Variants in FRMPD4 observed in about 807,000 individuals in gnomAD.
FRMPD4 encodes the protein FERM and PDZ domain-containing protein 4.
In FRMPD4, 22 loss-of-function variants were observed where a neutral mutation model predicts 94.1. That is an observed-to-expected ratio of 0.23 (90% CI 0.17 to 0.33). FRMPD4 has a LOEUF of 0.33. Among genes scored for constraint, FRMPD4 ranks in the 10% least tolerant of loss-of-function variants. The pLI is 1.00. For synonymous variants in FRMPD4, 631 were observed against 548.6 expected (o/e 1.15, Z -2.10); for missense variants, 1,111 against 1,339.9 (o/e 0.83, Z 2.67).
At position 12,635,581 on chromosome X, in the gene FRMPD4, C is replaced by CG. The variant is rs763977798; in HGVS notation, c.422+20706dup. 9.0e-5 allele frequency among the ~76,000 whole-genome samples: 10 copies of CG among 111,163 alleles called. No individual in the cohort carries two copies. The South Asian group carries it at 1.9e-3, about 21-fold the overall frequency. On this transcript the variant is annotated intron_variant, in intron 4 of 16. Transcript: ENST00000675598. ...ACCTCTAAATGAATCACTGCTACCC[C>CG]GGGGGGTGGAATATGCTAGGAGGGG...
At chrX:11,898,908 C>G (rs1373897378) in intron 3 of FRMPD4, among the ~76,000 whole-genome samples, 1 of 111,864 alleles carries the variant, frequency 8.9e-6, no homozygotes, top group African/African-American at 3.3e-5. Context: ...CTTGCCTTTG[C>G]AATGAGAAGA....
At chrX:11,848,408 G>C (rs73188578) in intron 1 of FRMPD4, among the ~76,000 whole-genome samples, 6,738 of 111,172 alleles carry the variant, frequency 0.061, 194 homozygotes, top group Non-Finnish European at 0.089. Context: ...AGAAAGTTGT[G>C]CTTAAATCTT....
Position 12,498,713 on chromosome X carries a change from C to T in FRMPD4, c.75C>T (p.Pro25=). Residue 25 remains proline (P), a synonymous_variant, in exon 2 of 17, where the codon CCC becomes CCT. Coordinates refer to ENST00000675598, the MANE Select transcript of FRMPD4 (RefSeq NM_001368397.1). ...HRTKSSGWPP[P]SGTWGLSQVP... ...CGAAGTCTTCAGGCTGGCCGCCTCC[C>T]TCGGGAACCTGGGGCTTGAGCCAGG... is the stretch of plus-strand genomic sequence containing the variant. The T allele has an allele frequency of 8.3e-7, 1 of 1,203,354 alleles. No homozygotes were observed. The highest frequency in any genetic ancestry group is 1.8e-5 in the South Asian group (1 of 56,488).
At chrX:12,531,989 G>A (rs376519103) in intron 2 of FRMPD4, among the ~76,000 whole-genome samples, 1 of 111,634 alleles carries the variant, frequency 9.0e-6, no homozygotes, top group African/African-American at 3.3e-5. Flanking sequence ...ACTCACAATC[G>A]ATTAAGGTTC....
chrX:12,273,506 A>G (rs775831701), intron 1 of FRMPD4, among the ~76,000 whole-genome samples: 2 of 112,458 alleles, frequency 1.8e-5, no homozygotes, highest in African/African-American at 6.5e-5. Flanking sequence ...CAGAAATAAA[A>G]TAATGAAAAT....
At chrX:12,367,452 C>A (rs2056100337) in intron 1 of FRMPD4, among the ~76,000 whole-genome samples, 2 of 112,407 alleles carry the variant, frequency 1.8e-5, no homozygotes, top group Non-Finnish European at 3.8e-5. Context: ...TTGAGTTGCG[C>A]AATGAACCAT....
At chrX:12,202,436 T>TA (rs777600084) in intron 1 of FRMPD4, among the ~76,000 whole-genome samples, 4 of 112,096 alleles carry the variant, frequency 3.6e-5, no homozygotes, top group African/African-American at 1.3e-4. Context: ...ACATCACCTA[T>TA]AAAAAATATT....
intron 3 of FRMPD4, among the ~76,000 whole-genome samples, chrX:11,920,745 G>T (rs2054050746): frequency 8.9e-6 from 1 of 111,823 alleles, no homozygotes; most frequent in Non-Finnish European, 1.9e-5. Flanking sequence ...GCTAATAGAC[G>T]ATGAGATCAG....
intron 4 of FRMPD4, among the ~76,000 whole-genome samples, chrX:12,673,837 C>T (rs2059867444): frequency 9.0e-6 from 1 of 111,420 alleles, no homozygotes; most frequent in Admixed American, 9.6e-5. Context: ...TCCCCTACCC[C>T]ACTCCCCAAC....
At chrX:11,921,555 G>A (rs1246420717) in intron 3 of FRMPD4, among the ~76,000 whole-genome samples, 1 of 112,188 alleles carries the variant, frequency 8.9e-6, no homozygotes, top group East Asian at 2.8e-4. Context: ...CTTGGCCAGT[G>A]GAATTTGAGC....
intron 3 of FRMPD4, among the ~76,000 whole-genome samples, chrX:12,096,227 A>G (rs949667815): frequency 8.0e-5 from 9 of 112,466 alleles, no homozygotes. Context: ...GCCCGTGACC[A>G]TAATATTCTT....
chrX:12,066,671 C>T (rs1238242985), intron 3 of FRMPD4, among the ~76,000 whole-genome samples: 1 of 108,954 alleles, frequency 9.2e-6, no homozygotes, highest in Admixed American at 9.8e-5. Context: ...ATATTGTAGA[C>T]CACCTAAGTT....
intron 1 of FRMPD4, among the ~76,000 whole-genome samples, chrX:12,410,422 T>A (rs994075252): frequency 8.9e-6 from 1 of 111,800 alleles, no homozygotes; most frequent in Non-Finnish European, 1.9e-5. Context: ...ATCTGTTTTT[T>A]TTCCAACTGC....
intron 1 of FRMPD4, among the ~76,000 whole-genome samples, chrX:12,310,825 G>A (rs2055019961): frequency 1.8e-5 from 2 of 112,095 alleles, no homozygotes; most frequent in Non-Finnish European, 3.8e-5. Flanking sequence ...CTGGTAGGTG[G>A]ATGTTCCTCT....
At chrX:12,356,222 C>T (rs1284438617) in intron 1 of FRMPD4, among the ~76,000 whole-genome samples, 4 of 112,112 alleles carry the variant, frequency 3.6e-5, no homozygotes, top group South Asian at 3.7e-4. Flanking sequence ...GCCAGCTTTG[C>T]GGGGCTGCTT....
rs559747504 is a variant in FRMPD4 at position 12,513,730 on chromosome X, G to A, written c.158+14934G>A. 2.2e-4 allele frequency among the ~76,000 whole-genome samples: 25 copies of A among 112,000 alleles called. No individual in the cohort carries two copies. The South Asian group carries it at 8.6e-3, about 38-fold the overall frequency. The stretch of plus-strand genomic sequence containing the variant: ...TTTTTGGTTCCATATGAATTTTAAA[G>A]TAGTTTTTGCTAATTCTGTGAAGAA... On this transcript the variant is annotated intron_variant, in intron 2 of 16. Coordinates refer to ENST00000675598, the MANE Select transcript of FRMPD4 (RefSeq NM_001368397.1).
At chrX:12,474,741 C>G (rs939172301) in intron 1 of FRMPD4, among the ~76,000 whole-genome samples, 3 of 111,601 alleles carry the variant, frequency 2.7e-5, no homozygotes, top group Admixed American at 9.5e-5. Context: ...GACACATACA[C>G]CCTCCCAAGA....
At chrX:12,482,032 G>A (rs1285747545) in intron 1 of FRMPD4, among the ~76,000 whole-genome samples, 3 of 102,068 alleles carry the variant, frequency 2.9e-5, no homozygotes, top group Non-Finnish European at 5.9e-5. Flanking sequence ...TTAAGTAGAA[G>A]TGAATCATCA....
intron 3 of FRMPD4, among the ~76,000 whole-genome samples, chrX:11,951,895 G>C (rs1367307850): frequency 9.0e-6 from 1 of 111,568 alleles, no homozygotes; most frequent in Non-Finnish European, 1.9e-5. Context: ...AATTAGCCTG[G>C]TGTGGTGGCA....
Sources: gnomAD v4.1 joint callset for allele counts (sites outside exome capture counted in the v4.1 genomes callset) on GRCh38, gnomAD v4.1.1 for gene constraint, MANE v1.5 for transcripts, NCBI Gene and HGNC (gene_info 2026-07-23, HGNC 2026-07-21) for gene names.